The following SGMS1 variants were observed in gnomAD, a reference collection of about 807,000 sequenced individuals.
SGMS1 encodes the protein phosphatidylcholine:ceramide cholinephosphotransferase 1.
A neutral mutation model predicts 46.2 loss-of-function variants in SGMS1; 13 were observed. That is an observed-to-expected ratio of 0.28 (90% confidence interval 0.18 to 0.45). The LOEUF is 0.45. Among genes scored for constraint, SGMS1 ranks in the 20% least tolerant of loss-of-function variants. The pLI is 1.00. For synonymous variants in SGMS1, 203 were observed against 187.8 expected (o/e 1.08, Z -0.66); for missense variants, 324 against 519.9 (o/e 0.62, Z 3.66).
chr10:50,353,871 C>A (rs1286554368), intron 6 of SGMS1, among the ~76,000 whole-genome samples: 3 of 152,140 alleles, frequency 2.0e-5, no homozygotes, highest in Non-Finnish European at 4.4e-5. Context: ...ACCTAGGAAT[C>A]CAACTTACAA....
At chr10:50,574,240 C>A (rs1429562686) in intron 2 of SGMS1, among the ~76,000 whole-genome samples, 1 of 152,016 alleles carries the variant, frequency 6.6e-6, no homozygotes, top group African/African-American at 2.4e-5. Context: ...TATTTGCAAA[C>A]CTTATATCTG....
chr10:50,599,232 T>A (rs1838625565), intron 1 of SGMS1, among the ~76,000 whole-genome samples: 1 of 151,532 alleles, frequency 6.6e-6, no homozygotes, highest in East Asian at 1.9e-4. Flanking sequence ...AAAAAAACAG[T>A]AACAAAAAAG....
intron 3 of SGMS1, among the ~76,000 whole-genome samples, chr10:50,487,985 TTTTATTTATTTATTTATTTA>T (rs3054268): frequency 7.2e-5 from 10 of 139,034 alleles, no homozygotes; most frequent in Admixed American, 2.2e-4. Context: ...TTTGTTTTTA[TTTTATTTATTTATTTATTTA>T]TTTATTTATT....
chr10:50,578,042 T>G (rs1838400593), intron 2 of SGMS1, among the ~76,000 whole-genome samples: 2 of 152,330 alleles, frequency 1.3e-5, no homozygotes, highest in Admixed American at 1.3e-4. Flanking sequence ...GCAACTGAGC[T>G]TATCACCTCA....
intron 3 of SGMS1, among the ~76,000 whole-genome samples, chr10:50,494,543 A>G (rs570503051): frequency 6.6e-6 from 1 of 152,338 alleles, no homozygotes; most frequent in Non-Finnish European, 1.5e-5. Flanking sequence ...ACAAAATACC[A>G]CATGTTCTCA....
At chr10:50,496,639 C>A (rs1770996572) in intron 3 of SGMS1, among the ~76,000 whole-genome samples, 1 of 152,186 alleles carries the variant, frequency 6.6e-6, no homozygotes, top group African/African-American at 2.4e-5. Context: ...TCCCAGATCC[C>A]AGTTTAAAGA....
At chr10:50,475,807 C>T (rs2133708488) in intron 3 of SGMS1, among the ~76,000 whole-genome samples, 1 of 152,224 alleles carries the variant, frequency 6.6e-6, no homozygotes, top group Middle Eastern at 3.4e-3. Flanking sequence ...GCTACCCCTT[C>T]ACCTTCCACC....
chr10:50,515,892 A>C (rs754339040), intron 3 of SGMS1, among the ~76,000 whole-genome samples: 24 of 152,226 alleles, frequency 1.6e-4, no homozygotes, highest in Non-Finnish European at 1.9e-4. Flanking sequence ...GAAAGTATAG[A>C]GCCAATACCA....
intron 2 of SGMS1, among the ~76,000 whole-genome samples, chr10:50,535,351 A>G (rs1344593803): frequency 6.6e-6 from 1 of 151,848 alleles, no homozygotes; most frequent in Non-Finnish European, 1.5e-5. Context: ...TGCTGCAAGT[A>G]TTTCCTTAAA....
rs187606704 is a variant in SGMS1 at position 50,479,619 on chromosome 10, A to T, written c.-497-12687T>A. On this transcript the variant is annotated intron_variant, in intron 3 of 10. Coordinates refer to ENST00000361781, the MANE Select transcript of SGMS1 (RefSeq NM_147156.4). ...TTTGCAAAAGTAATAGATTTCATTGACAAATATTTAGAAAATAAAGACACA... is the reference window on the plus strand; with the variant it reads ...TTTGCAAAAGTAATAGATTTCATTGTCAAATATTTAGAAAATAAAGACACA... Among the ~76,000 whole-genome samples the T allele has an allele frequency of 1.7e-3, 252 of 152,304 alleles. 2 individuals are homozygous for T. The highest frequency in any genetic ancestry group is 2.9e-3 in the Non-Finnish European group (196 of 68,022).
chr10:50,388,899 C>T (rs146736682), intron 6 of SGMS1, among the ~76,000 whole-genome samples: 60 of 152,120 alleles, frequency 3.9e-4, no homozygotes, highest in African/African-American at 1.3e-3. Flanking sequence ...ATCTAGCAAC[C>T]GGCAAACAAG....
At chr10:50,446,158 G>A (rs951874138) in intron 5 of SGMS1, among the ~76,000 whole-genome samples, 3 of 147,938 alleles carry the variant, frequency 2.0e-5, no homozygotes, top group African/African-American at 5.3e-5. Context: ...ATTTTGCCCC[G>A]GTCCTCTGAT....
At chr10:50,328,847 A>T (rs1488750821) in intron 7 of SGMS1, among the ~76,000 whole-genome samples, 1 of 152,240 alleles carries the variant, frequency 6.6e-6, no homozygotes, top group Non-Finnish European at 1.5e-5. Context: ...GATACTAGAG[A>T]AGAATACCAG....
intron 6 of SGMS1, among the ~76,000 whole-genome samples, chr10:50,371,596 ACTTTGAACATGCTATTGTCTCCAC>A (rs1848437012): frequency 6.6e-6 from 1 of 152,144 alleles, no homozygotes; most frequent in Non-Finnish European, 1.5e-5. Context: ...TACCTCACAG[ACTTTGAACATGCTATTGTCTCCAC>A]CTAGAACACC....
chr10:50,431,062 T>C (rs561322558), intron 6 of SGMS1, among the ~76,000 whole-genome samples: 4 of 152,324 alleles, frequency 2.6e-5, no homozygotes, highest in African/African-American at 9.6e-5. Context: ...GATGATAATA[T>C]AAGTCAGAAT....
chr10:50,563,801 A>G (rs559181496), intron 2 of SGMS1, among the ~76,000 whole-genome samples: 4 of 151,874 alleles, frequency 2.6e-5, no homozygotes, highest in Non-Finnish European at 5.9e-5. Flanking sequence ...CTATGCAATC[A>G]GTCCCATAGT....
intron 1 of SGMS1, among the ~76,000 whole-genome samples, chr10:50,604,568 A>C (rs1360968392): frequency 1.3e-5 from 2 of 152,196 alleles, no homozygotes; most frequent in Non-Finnish European, 2.9e-5. Context: ...CTTTGATTAC[A>C]TCTTGCATGC....
At chr10:50,367,724 G>A (rs992555338) in intron 6 of SGMS1, among the ~76,000 whole-genome samples, 1 of 152,046 alleles carries the variant, frequency 6.6e-6, no homozygotes, top group African/African-American at 2.4e-5. Flanking sequence ...TCCACTCACC[G>A]CTGACTGTGA....
intron 6 of SGMS1, among the ~76,000 whole-genome samples, chr10:50,357,279 A>G (rs1220632234): frequency 6.6e-6 from 1 of 152,198 alleles, no homozygotes; most frequent in Non-Finnish European, 1.5e-5. Context: ...AAAGCCAAGC[A>G]GGTCTTTAAA....
Sources: allele counts gnomAD v4.1 joint callset (sites outside exome capture counted in the v4.1 genomes callset), GRCh38; gene constraint gnomAD v4.1.1; transcripts MANE v1.5; gene names NCBI Gene and HGNC (gene_info 2026-07-23, HGNC 2026-07-21).